The following SCLY variants were observed in gnomAD, a reference collection of about 807,000 sequenced individuals.
SCLY encodes the protein putative selenocysteine lyase.
A neutral mutation model predicts 50.1 loss-of-function variants in SCLY; 38 were observed. The ratio of observed to expected loss-of-function variants is 0.76; its 90% CI spans 0.59 to 0.99. The LOEUF is 0.99. SCLY is among the 50% of genes least tolerant of loss of function. The pLI is 0.00. For missense variants in SCLY, 600 were observed against 620.0 expected, an observed-to-expected ratio of 0.97 and a Z score of 0.34; for synonymous variants, 243 against 249.4, an observed-to-expected ratio of 0.97 and a Z score of 0.24.
rs1052318679 is a variant in SCLY, at chr2:238,067,691, A to G, written c.203-374A>G. Among the ~76,000 whole-genome samples the G allele has an allele frequency of 6.6e-6, 1 of 152,152 alleles. No homozygotes were observed. Among genetic ancestry groups the G allele is most frequent in the Non-Finnish European group, 1.5e-5 (1 of 68,016 alleles). On this transcript the variant is annotated intron_variant, in intron 2 of 11. Transcript: ENST00000254663. This position sits in a 1 kb window ranked among gnomAD's most constrained non-coding sequence, Gnocchi z 4.3. The stretch of plus-strand genomic sequence containing the variant: ...ATTTTTGTTGTTTGCAACTCATTCC[A>G]TCCTTTCATTCTCCTCTCTTGATGA...
Position 238,094,487 on chromosome 2 carries a change from C to T in SCLY, c.1073C>T (p.Thr358Ile), listed in dbSNP as rs774977139. The change falls in exon 10 of 12, where the codon ACC (threonine) becomes ATC (isoleucine). Residue 358 changes from threonine to isoleucine, a missense_variant. Transcript: ENST00000254663. ...QFPGTQRLPN[T>I]CNFSIRGPRL... ...CCAGGCACCCAGCGGCTTCCCAATA[C>T]CTGTAACTTTTCCATCCGGGGACCC... The T allele has an allele frequency of 6.2e-7, 1 of 1,614,234 alleles. No homozygotes were observed. Among genetic ancestry groups the T allele is most frequent in the Non-Finnish European group, 8.5e-7 (1 of 1,180,042 alleles).
intron 7 of SCLY, among the ~76,000 whole-genome samples, chr2:238,089,059 G>A (rs1320475749): frequency 6.6e-6 from 1 of 152,160 alleles, no homozygotes; most frequent in Non-Finnish European, 1.5e-5. Flanking sequence ...TAATAAGTGA[G>A]GATAGCAAGG....
Position 238,081,779 on chromosome 2 carries a change from C to T in SCLY, c.555C>T (p.Arg185=). ...AEVDDILAAV[R]PTTRLVTIML... ...TGGACGACATCCTCGCGGCAGTCCG[C>T]CCGACCACACGCCTCGTGACCATCA... The change falls in exon 5 of 12, where the codon CGC becomes CGT. Residue 185 remains arginine (R), a synonymous_variant. Coordinates refer to ENST00000254663, the MANE Select transcript of SCLY (RefSeq NM_016510.7). 7 of 1,614,186 alleles carry T rather than the reference C, an allele frequency of 4.3e-6. No homozygotes were observed. Among genetic ancestry groups the T allele is most frequent in the Non-Finnish European group, 5.9e-6 (7 of 1,180,044 alleles).
At chr2:238,094,804 A>C in intron 10 of SCLY, 1 of 408,818 alleles carries the variant, frequency 2.4e-6, no homozygotes, top group Non-Finnish European at 4.3e-6. Context: ...GCCACCCCAA[A>C]AGCCGTCAGG....
rs541669976 is a variant in SCLY, at chr2:238,067,645, T to G, written c.203-420T>G. ...ATATGGCACTGGACTTCGCGTCGAG[T>G]CATGAGTTCTGTTTTTGCTTATTTT... On this transcript the variant is annotated intron_variant, in intron 2 of 11. Transcript: ENST00000254663. This position sits in a 1 kb window ranked among gnomAD's most constrained non-coding sequence, Gnocchi z 4.3. 9.8e-5 allele frequency among the ~76,000 whole-genome samples: 15 copies of G among 152,316 alleles called. No homozygotes were observed. Among genetic ancestry groups the G allele is most frequent in the African/African-American group, 3.6e-4 (15 of 41,562 alleles).
At chr2:238,094,333 G>T in intron 9 of SCLY, 87 bp from the exon 10 acceptor site, 1 of 1,096,558 alleles carries the variant, frequency 9.1e-7, no homozygotes. Flanking sequence ...TGCTGAAGTT[G>T]TGTTTCTGGA....
intron 1 of SCLY, among the ~76,000 whole-genome samples, chr2:238,063,510 A>C (rs1018285126): frequency 6.6e-6 from 1 of 152,294 alleles, no homozygotes; most frequent in Non-Finnish European, 1.5e-5. Flanking sequence ...GGCGTGAGCC[A>C]CCGCGCCCAG....
Position 238,099,377 on chromosome 2 carries a change from G to A in SCLY, c.*1022G>A, listed in dbSNP as rs1375172884. 2.1e-6 allele frequency: 1 copy of A among 465,872 alleles called. No individual in the cohort carries two copies. The highest frequency in any genetic ancestry group is 7.0e-5 in the East Asian group (1 of 14,310). The allele number at this position is 465,872 out of a possible 1,614,324, so 28.9% of individuals were successfully genotyped here. A position where few individuals can be genotyped will look rare whatever the true frequency, so the allele number is the denominator to read the frequency against. On this transcript the variant is annotated 3_prime_UTR_variant, in exon 12 of 12. Transcript: ENST00000254663. ...GATGATTTTGAGGAAACACTTGCCAGAAACTAAATTAACGAATAAAAGATT... is the reference window on the plus strand; with the variant it reads ...GATGATTTTGAGGAAACACTTGCCAAAAACTAAATTAACGAATAAAAGATT...
intron 4 of SCLY, among the ~76,000 whole-genome samples, chr2:238,077,948 A>T (rs1052061778): frequency 1.5e-5 from 2 of 134,044 alleles, no homozygotes; most frequent in Non-Finnish European, 3.1e-5. Flanking sequence ...TCTCCTGTAG[A>T]TTCTCTTTTT....
chr2:238,091,312 C>A, intron 8 of SCLY, 58 bp downstream of exon 8: 1 of 1,417,080 alleles, frequency 7.1e-7, no homozygotes, highest in Non-Finnish European at 1.0e-6. Context: ...GTGTCCCCAG[C>A]GGCTCTAGTA....
At chr2:238,097,021 G>C in intron 11 of SCLY, 145 bp downstream of exon 11, 2 of 767,254 alleles carry the variant, frequency 2.6e-6, no homozygotes, top group East Asian at 6.0e-5. Flanking sequence ...GGCAGAGGGA[G>C]GGCTTCCTGG....
In SCLY at chr2:238,066,238, C is replaced by T. The variant is rs753116630; in HGVS notation, c.202+1769C>T. On this transcript the variant is annotated intron_variant, in intron 2 of 11. Coordinates refer to ENST00000254663, the MANE Select transcript of SCLY (RefSeq NM_016510.7). The surrounding 1 kb of genome is among the most constrained non-coding windows in gnomAD (Gnocchi z 4.1). The stretch of plus-strand genomic sequence containing the variant: ...TGGAAGATAGCTGGCGCTCATACCT[C>T]CCCGTCCAGCCCACTGCAGTCACAT... Among the ~76,000 whole-genome samples the T allele has an allele frequency of 6.4e-4, 97 of 152,236 alleles. No homozygotes were observed. The highest frequency in any genetic ancestry group is 1.2e-3 in the Non-Finnish European group (82 of 68,042).
rs1398879408 is a variant in SCLY at position 238,063,550 on chromosome 2, G to A, written c.90-807G>A. The stretch of plus-strand genomic sequence containing the variant: ...CTGTAGTTTTAAGCAGAGCTGCAGG[G>A]CAGGGGGTCTCACAAGAGGACTAAG... On this transcript the variant is annotated intron_variant, in intron 1 of 11. Coordinates refer to ENST00000254663, the MANE Select transcript of SCLY (RefSeq NM_016510.7). Among the ~76,000 whole-genome samples the A allele has an allele frequency of 3.9e-5, 6 of 152,272 alleles. No individual in the cohort carries two copies. The East Asian group carries it at 1.2e-3, about 29-fold the overall frequency.
At chr2:238,071,629 G>T (rs1461349230) in intron 4 of SCLY, among the ~76,000 whole-genome samples, 1 of 152,086 alleles carries the variant, frequency 6.6e-6, no homozygotes, top group African/African-American at 2.4e-5. Flanking sequence ...AAAAACAAAA[G>T]TCATTCTCCT....
At chr2:238,085,511 G>A (rs1038449410) in intron 7 of SCLY, among the ~76,000 whole-genome samples, 2 of 151,462 alleles carry the variant, frequency 1.3e-5, no homozygotes, top group African/African-American at 4.9e-5. Flanking sequence ...AAGGTCAGGA[G>A]ATCGAGACCA....
At chr2:238,064,740 G>T in intron 2 of SCLY, 5 of 237,700 alleles carry the variant, frequency 2.1e-5, no homozygotes, top group South Asian at 2.1e-4. Context: ...TCTACTGAGA[G>T]TTCCTTGAAG....
chr2:238,082,127 C>A lies in SCLY; in HGVS notation c.695C>A (p.Thr232Lys), dbSNP rs372090115. The A allele has an allele frequency of 6.2e-7, 1 of 1,613,106 alleles. No individual in the cohort carries two copies. The highest frequency in any genetic ancestry group is 8.5e-7 in the Non-Finnish European group (1 of 1,179,988). ...GGGCTACCTCCCATCCTCGTGCACA[C>A]GGATGCTGCACAGGCCTTGGGGAAG... ...AAGLPPILVHTDAAQALGKQR... is the reference protein window; with the variant it reads ...AAGLPPILVHKDAAQALGKQR... The change falls in exon 6 of 12, where the codon ACG (threonine) becomes AAG (lysine). Residue 232 changes from threonine (T) to lysine (K), a missense_variant. Thr to Lys is a moderately conservative substitution (Grantham distance 78, BLOSUM62 -1). Transcript: ENST00000254663.
chr2:238,089,491 A>G (rs1473425814), intron 7 of SCLY, among the ~76,000 whole-genome samples: 1 of 152,210 alleles, frequency 6.6e-6, no homozygotes, highest in East Asian at 1.9e-4. Flanking sequence ...CAAGGCAGTT[A>G]GACATCCATA....
intron 2 of SCLY, among the ~76,000 whole-genome samples, chr2:238,065,303 C>T (rs2065057661): frequency 6.6e-6 from 1 of 152,236 alleles, no homozygotes; most frequent in Non-Finnish European, 1.5e-5. Flanking sequence ...TCTATTCTGG[C>T]TAATCTTCTG....
Sources: allele counts gnomAD v4.1 joint callset (sites outside exome capture counted in the v4.1 genomes callset), GRCh38; gene constraint gnomAD v4.1.1; non-coding constraint Gnocchi (gnomAD v3.1); transcripts MANE v1.5; gene names NCBI Gene and HGNC (gene_info 2026-07-23, HGNC 2026-07-21).